The following NFIA variants were observed in gnomAD, a reference collection of about 807,000 sequenced individuals.
NFIA encodes nuclear factor 1 A-type.
NFIA carries 8 observed loss-of-function variants against 62.8 expected under a neutral mutation model. The ratio of observed to expected loss-of-function variants is 0.13; its 90% CI spans 0.07 to 0.23. The LOEUF (loss-of-function observed/expected upper bound fraction) is 0.23, where lower values mean the gene tolerates loss of function less well. Ranked by LOEUF, NFIA falls within the 10% of genes least tolerant of loss-of-function variation. The pLI, the probability that NFIA is intolerant of heterozygous loss-of-function variation, is 1.00. For synonymous variants in NFIA, 235 were observed against 238.1 expected (o/e 0.99, Z 0.12); for missense variants, 410 against 642.1 (o/e 0.64, Z 3.91).
intron 8 of NFIA, among the ~76,000 whole-genome samples, chr1:61,405,247 C>CA (rs1665759365): frequency 6.6e-6 from 1 of 152,144 alleles, no homozygotes; most frequent in Non-Finnish European, 1.5e-5. Context: ...TCTGTCTAGA[C>CA]AACAAATCAA....
At chr1:61,366,286 AC>A (rs1174714976) in intron 6 of NFIA, among the ~76,000 whole-genome samples, 1 of 152,142 alleles carries the variant, frequency 6.6e-6, no homozygotes, top group Non-Finnish European at 1.5e-5. Context: ...GTTTTGGCAG[AC>A]CTAAAAAGTA....
At chr1:61,337,807 C>G (rs756220507) in intron 4 of NFIA, among the ~76,000 whole-genome samples, 32 of 152,204 alleles carry the variant, frequency 2.1e-4, no homozygotes, top group Non-Finnish European at 4.0e-4. Flanking sequence ...TCAGCACCCA[C>G]TCTTTTGTTT....
At chr1:61,213,053 T>C (rs1187423561) in intron 2 of NFIA, among the ~76,000 whole-genome samples, 3 of 152,128 alleles carry the variant, frequency 2.0e-5, no homozygotes, top group Admixed American at 1.3e-4. Flanking sequence ...CTATGTTCTG[T>C]GGTATCAGGC....
intron 2 of NFIA, among the ~76,000 whole-genome samples, chr1:61,251,603 T>C (rs1376756033): frequency 6.6e-6 from 1 of 152,174 alleles, no homozygotes; most frequent in African/African-American, 2.4e-5. Flanking sequence ...AAAAGATTGA[T>C]CTTAAGTACA....
At chr1:61,357,857 C>T (rs1405996712) in intron 5 of NFIA, among the ~76,000 whole-genome samples, 1 of 152,138 alleles carries the variant, frequency 6.6e-6, no homozygotes, top group African/African-American at 2.4e-5. Context: ...ATGAAATCTA[C>T]TCATCCTAAT....
In NFIA at chr1:61,082,890, G is replaced by T. The variant is rs1408014856; in HGVS notation, c.27+72G>T. 5 of 1,415,270 alleles carry T rather than the reference G, an allele frequency of 3.5e-6. 1 individual carries two copies. The Admixed American group carries it at 1.1e-4, about 31-fold the overall frequency. 87.7% of individuals were successfully genotyped at this position (1,415,270 alleles called of 1,614,324 possible). A position where few individuals can be genotyped will look rare whatever the true frequency, so the allele number is the denominator to read the frequency against. ...GGGCAGGGCTGGGGCTGGGTGGGGG[G>T]CACCGGGGCCGTCGCTCCGGCCGGG... On this transcript the variant is annotated intron_variant, in intron 1 of 10. Transcript: ENST00000403491.
chr1:61,114,502 A>G (rs1646763950), intron 2 of NFIA, among the ~76,000 whole-genome samples: 2 of 152,136 alleles, frequency 1.3e-5, no homozygotes, highest in African/African-American at 4.8e-5. Context: ...ACATAAAGCA[A>G]AAAACATTAT....
intron 2 of NFIA, among the ~76,000 whole-genome samples, chr1:61,162,226 G>A (rs1355199613): frequency 2.0e-5 from 3 of 152,110 alleles, no homozygotes; most frequent in Non-Finnish European, 4.4e-5. Flanking sequence ...CTAGAGCGAG[G>A]AGTCACCTGG....
chr1:61,400,709 G>A (rs1177051080), intron 7 of NFIA, among the ~76,000 whole-genome samples: 3 of 152,074 alleles, frequency 2.0e-5, no homozygotes, highest in African/African-American at 7.2e-5. Flanking sequence ...CATTCTTCGT[G>A]CATTCCATTA....
In NFIA at chr1:61,217,118, G is replaced by A. The variant is rs181155669; in HGVS notation, c.560-60402G>A. On this transcript the variant is annotated intron_variant, in intron 2 of 10. Coordinates refer to ENST00000403491, the MANE Select transcript of NFIA (RefSeq NM_001134673.4). Reference sequence around the variant, plus strand: ...GTCACCCAGGCTAGAGTGCAGTGGCGCAGTCTTGGCTCACTGCAACCTCCG... The same window carrying A: ...GTCACCCAGGCTAGAGTGCAGTGGCACAGTCTTGGCTCACTGCAACCTCCG... Among the ~76,000 whole-genome samples the A allele has an allele frequency of 6.6e-3, 978 of 148,146 alleles. 9 individuals carry two copies. Among genetic ancestry groups the A allele is most frequent in the African/African-American group, 0.023 (906 of 40,194 alleles).
At chr1:61,139,769 C>T (rs114618462) in intron 2 of NFIA, among the ~76,000 whole-genome samples, 1 of 148,968 alleles carries the variant, frequency 6.7e-6, no homozygotes, top group African/African-American at 2.5e-5. Flanking sequence ...AAGACTATGT[C>T]ATGAGCTGAA....
At chr1:61,112,526 G>A (rs533245207) in intron 2 of NFIA, among the ~76,000 whole-genome samples, 1 of 152,084 alleles carries the variant, frequency 6.6e-6, no homozygotes, top group Non-Finnish European at 1.5e-5. Context: ...GCTATTGCTG[G>A]ACTCTTAAGA....
chr1:61,430,343 T>C (rs1383136949), intron 10 of NFIA, among the ~76,000 whole-genome samples: 1 of 152,232 alleles, frequency 6.6e-6, no homozygotes, highest in Non-Finnish European at 1.5e-5. Context: ...TAATACATGT[T>C]AATTGTGGAA....
intron 6 of NFIA, among the ~76,000 whole-genome samples, chr1:61,366,517 A>G (rs1207057158): frequency 6.6e-6 from 1 of 152,194 alleles, no homozygotes; most frequent in Non-Finnish European, 1.5e-5. Context: ...GTTTAGTGAA[A>G]GTTTTGAAGT....
chr1:61,401,498 T>C (rs1319274695), intron 7 of NFIA, among the ~76,000 whole-genome samples: 1 of 152,098 alleles, frequency 6.6e-6, no homozygotes, highest in Non-Finnish European at 1.5e-5. Context: ...TTTTGAGTTA[T>C]TTCTTCTATC....
At position 61,412,292 on chromosome 1, in the gene NFIA, G is replaced by A. The variant is rs563704794; in HGVS notation, c.1420+5565G>A. Among the ~76,000 whole-genome samples the A allele has an allele frequency of 5.9e-5, 9 of 152,262 alleles. No individual in the cohort carries two copies. The East Asian group carries it at 1.2e-3, about 20-fold the overall frequency. ...ATAATTAAAATATAAGTAAATTAGC[G>A]AGTTAAGGACCAGTAAGTACAATGG... is the stretch of plus-strand genomic sequence containing the variant. On this transcript the variant is annotated intron_variant, in intron 9 of 10. Transcript: ENST00000403491.
At position 61,426,076 on chromosome 1, in the gene NFIA, C is replaced by G. The variant is rs145979781; in HGVS notation, c.1421-389C>G. ...GTGAAAAGCAAGCTTGTAAAATGAA[C>G]TGCTTTCCTCCCCTTCCTACCTAAT... On this transcript the variant is annotated intron_variant, in intron 9 of 10. Transcript: ENST00000403491. Among the ~76,000 whole-genome samples the G allele has an allele frequency of 1.6e-4, 24 of 152,252 alleles. No homozygotes were observed. The East Asian group carries it at 4.6e-3, about 29-fold the overall frequency.
At chr1:61,430,963 G>A (rs994739877) in intron 10 of NFIA, among the ~76,000 whole-genome samples, 91 of 152,152 alleles carry the variant, frequency 6.0e-4, no homozygotes, top group African/African-American at 2.1e-3. Flanking sequence ...GAGAAACTGT[G>A]GCCACTTGTC....
chr1:61,119,790 C>T (rs539516558), intron 2 of NFIA, among the ~76,000 whole-genome samples: 26 of 152,086 alleles, frequency 1.7e-4, no homozygotes, highest in Admixed American at 9.2e-4. Flanking sequence ...GTAGATTTTC[C>T]GTGAAGAATT....
Sources: allele counts gnomAD v4.1 joint callset (sites outside exome capture counted in the v4.1 genomes callset), GRCh38; gene constraint gnomAD v4.1.1; transcripts MANE v1.5; gene names NCBI Gene and HGNC (gene_info 2026-07-23, HGNC 2026-07-21).